GPC5: variants seen among roughly 807,000 people sequenced by gnomAD.
GPC5 encodes the protein glypican 5, also known as glypican-5.
A neutral mutation model predicts 53.9 loss-of-function variants in GPC5; 47 were observed. The ratio of observed to expected loss-of-function variants is 0.87; its 90% CI spans 0.69 to 1.11. The LOEUF (loss-of-function observed/expected upper bound fraction) is 1.11. GPC5 is among the 50% of genes most tolerant of loss of function. The pLI is 0.00. For synonymous variants in GPC5, 286 were observed against 263.3 expected, an observed-to-expected ratio of 1.09 and a Z score of -0.84; for missense variants, 748 against 713.1, an observed-to-expected ratio of 1.05 and a Z score of -0.56.
At chr13:92,402,277 G>A (rs142123083) in intron 7 of GPC5, among the ~76,000 whole-genome samples, 1 of 152,094 alleles carries the variant, frequency 6.6e-6, no homozygotes, top group Non-Finnish European at 1.5e-5. Flanking sequence ...TCACAAAATA[G>A]CGTGTATACA....
intron 7 of GPC5, among the ~76,000 whole-genome samples, chr13:92,399,102 C>T (rs899308834): frequency 8.5e-5 from 13 of 152,202 alleles, no homozygotes; most frequent in African/African-American, 2.9e-4. Context: ...CCTACCCATT[C>T]ACATTCAATA....
intron 6 of GPC5, among the ~76,000 whole-genome samples, chr13:91,982,150 TA>T (rs905788472): frequency 1.3e-5 from 2 of 152,152 alleles, no homozygotes; most frequent in Admixed American, 6.5e-5. Flanking sequence ...AAGACAGGAT[TA>T]GGGGAGCCAT....
At chr13:91,958,056 A>G (rs2040090720) in intron 6 of GPC5, among the ~76,000 whole-genome samples, 1 of 152,006 alleles carries the variant, frequency 6.6e-6, no homozygotes, top group African/African-American at 2.4e-5. Context: ...AAACATATTG[A>G]ACTGCCCACT....
At position 92,250,532 on chromosome 13, in the gene GPC5, A is replaced by C. The variant is rs9589462; in HGVS notation, c.1561+105543A>C. 6.9e-3 allele frequency among the ~76,000 whole-genome samples: 1,048 copies of C among 152,192 alleles called. 15 individuals are homozygous for C. Among genetic ancestry groups the C allele is most frequent in the African/African-American group, 0.024 (988 of 41,532 alleles). On this transcript the variant is annotated intron_variant, in intron 7 of 7. Coordinates refer to ENST00000377067, the MANE Select transcript of GPC5 (RefSeq NM_004466.6). ...GGCTATGGTGAAGCTGTGGGTTTAA[A>C]AACACTCGGGCAAAGAGTAAGTCCT...
intron 7 of GPC5, among the ~76,000 whole-genome samples, chr13:92,751,824 A>G (rs1204460788): frequency 6.6e-6 from 1 of 152,206 alleles, no homozygotes; most frequent in African/African-American, 2.4e-5. Context: ...GCAGCCCCAT[A>G]GTTAAGTCAA....
chr13:91,627,723 G>A (rs2034044673), intron 2 of GPC5, among the ~76,000 whole-genome samples: 1 of 152,064 alleles, frequency 6.6e-6, no homozygotes, highest in Non-Finnish European at 1.5e-5. Flanking sequence ...TGGACTCATT[G>A]AAGTTTTGTA....
chr13:92,527,136 G>GAAAGAAAGAAAGA, intron 7 of GPC5, among the ~76,000 whole-genome samples: 1 of 112,952 alleles, frequency 8.9e-6, no homozygotes, highest in Non-Finnish European at 1.9e-5. Context: ...AAGAAAGAAA[G>GAAAGAAAGAAAGA]AAAGAAAGAA....
At chr13:92,559,141 C>G (rs953665069) in intron 7 of GPC5, among the ~76,000 whole-genome samples, 1 of 86,480 alleles carries the variant, frequency 1.2e-5, no homozygotes, top group African/African-American at 4.2e-5. Flanking sequence ...CATCACCCAG[C>G]AACGGACGAA....
At chr13:92,413,337 C>T (rs1876133081) in intron 7 of GPC5, among the ~76,000 whole-genome samples, 1 of 152,104 alleles carries the variant, frequency 6.6e-6, no homozygotes, top group Admixed American at 6.6e-5. Flanking sequence ...TGGGTTGAAA[C>T]AGTTTGAAAT....
At chr13:91,975,393 G>T (rs2040289591) in intron 6 of GPC5, among the ~76,000 whole-genome samples, 1 of 152,062 alleles carries the variant, frequency 6.6e-6, no homozygotes, top group East Asian at 1.9e-4. Context: ...CTAATATCCA[G>T]AATCTACAAT....
At chr13:91,674,663 T>C (rs1401166114) in intron 2 of GPC5, among the ~76,000 whole-genome samples, 1 of 147,024 alleles carries the variant, frequency 6.8e-6, no homozygotes, top group Non-Finnish European at 1.5e-5. Context: ...TATGTGTATA[T>C]ATACGCATAT....
chr13:92,343,416 T>G (rs1040472724), intron 7 of GPC5, among the ~76,000 whole-genome samples: 2 of 152,230 alleles, frequency 1.3e-5, no homozygotes, highest in African/African-American at 4.8e-5. Context: ...AAACTGCTCC[T>G]TTTATTTTCC....
chr13:91,946,028 C>T lies in GPC5; in HGVS notation c.1401+37971C>T, dbSNP rs111501839. ...CAGCATTTCTGACTGTGGTCGGGGG[C>T]GGGGGCTTCTACTTCTGGGTTCATG... is the stretch of plus-strand genomic sequence containing the variant. On this transcript the variant is annotated intron_variant, in intron 6 of 7. Coordinates refer to ENST00000377067, the MANE Select transcript of GPC5 (RefSeq NM_004466.6). Among the ~76,000 whole-genome samples, 466 of 152,070 alleles carry T rather than the reference C, an allele frequency of 3.1e-3. 1 individual carries two copies. Among genetic ancestry groups the T allele is most frequent in the Non-Finnish European group, 5.3e-3 (359 of 67,990 alleles).
At chr13:92,561,330 C>G (rs986794929) in intron 7 of GPC5, among the ~76,000 whole-genome samples, 7 of 151,940 alleles carry the variant, frequency 4.6e-5, no homozygotes, top group Admixed American at 4.6e-4. Context: ...TCAATACAGG[C>G]AGTATAGGTA....
At chr13:92,296,915 G>A (rs1038897846) in intron 7 of GPC5, among the ~76,000 whole-genome samples, 9 of 152,200 alleles carry the variant, frequency 5.9e-5, no homozygotes, top group East Asian at 1.9e-4. Flanking sequence ...GGCAGGGCTC[G>A]GGACCTGCAG....
intron 2 of GPC5, among the ~76,000 whole-genome samples, chr13:91,634,571 C>G (rs2034240171): frequency 6.6e-6 from 1 of 152,018 alleles, no homozygotes; most frequent in Non-Finnish European, 1.5e-5. Flanking sequence ...CTCTTCCGAT[C>G]AAGTACGTTC....
chr13:91,796,005 C>T (rs536069855), intron 5 of GPC5, among the ~76,000 whole-genome samples: 1 of 152,264 alleles, frequency 6.6e-6, no homozygotes, highest in South Asian at 2.1e-4. Context: ...GCTCCCAGAG[C>T]TCCCAAGATG....
At chr13:91,905,577 C>T (rs1471874586) in intron 5 of GPC5, among the ~76,000 whole-genome samples, 3 of 151,962 alleles carry the variant, frequency 2.0e-5, no homozygotes, top group Non-Finnish European at 4.4e-5. Flanking sequence ...CTTGAAGGAC[C>T]TAGTTAGGAA....
chr13:91,959,318 T>C (rs890480488), intron 6 of GPC5, among the ~76,000 whole-genome samples: 1 of 144,224 alleles, frequency 6.9e-6, no homozygotes, highest in Non-Finnish European at 1.5e-5. Flanking sequence ...ATGGATAAAT[T>C]ATACATACAA....
Sources: allele counts gnomAD v4.1 joint callset (sites outside exome capture counted in the v4.1 genomes callset), GRCh38; gene constraint gnomAD v4.1.1; transcripts MANE v1.5; gene names NCBI Gene and HGNC (gene_info 2026-07-23, HGNC 2026-07-21).